Variants in CDH12 observed in about 807,000 individuals in gnomAD.
CDH12 encodes cadherin 12.
Under a neutral mutation model 74.1 loss-of-function variants are expected in CDH12, and 41 were observed. The observed-to-expected ratio is 0.55, with a 90% CI of 0.43 to 0.72. CDH12 has a LOEUF of 0.72. Ranked by LOEUF, CDH12 falls within the 30% of genes least tolerant of loss-of-function variation. The pLI is 0.00. For missense variants in CDH12, 945 were observed against 977.2 expected, an observed-to-expected ratio of 0.97 and a Z score of 0.44; for synonymous variants, 399 against 355.0, an observed-to-expected ratio of 1.12 and a Z score of -1.39.
intron 1 of CDH12, among the ~76,000 whole-genome samples, chr5:22,570,034 G>GTTTT (rs1408830740): frequency 6.8e-6 from 1 of 147,024 alleles, no homozygotes; most frequent in African/African-American, 2.6e-5. Flanking sequence ...AATGTATTTC[G>GTTTT]TTTTATTTAT....
At chr5:22,752,691 C>T (rs1745654002) in intron 1 of CDH12, among the ~76,000 whole-genome samples, 1 of 88,496 alleles carries the variant, frequency 1.1e-5, no homozygotes, top group Non-Finnish European at 2.3e-5. Context: ...CCTGCCTCAG[C>T]CTCCCTAGTA....
chr5:22,572,601 T>C (rs1390969379), intron 1 of CDH12, among the ~76,000 whole-genome samples: 1 of 152,124 alleles, frequency 6.6e-6, no homozygotes, highest in African/African-American at 2.4e-5. Flanking sequence ...AAGCTTGGTA[T>C]ATTGGATTTA....
chr5:21,765,154 T>C (rs1027270526), intron 11 of CDH12, 55 bp from the exon 12 acceptor site: 5 of 1,361,992 alleles, frequency 3.7e-6, no homozygotes, highest in Admixed American at 5.2e-5. Flanking sequence ...CAGTTATTGC[T>C]TCTACAATAA....
intron 10 of CDH12, among the ~76,000 whole-genome samples, chr5:21,788,720 C>T (rs1270788427): frequency 2.0e-5 from 3 of 152,060 alleles, no homozygotes; most frequent in Non-Finnish European, 2.9e-5. Context: ...ATCACTTTCT[C>T]TCTTCTCATG....
chr5:21,967,855 G>A (rs1756656845), intron 6 of CDH12, among the ~76,000 whole-genome samples: 1 of 152,084 alleles, frequency 6.6e-6, no homozygotes, highest in Non-Finnish European at 1.5e-5. Context: ...GACACTTCAC[G>A]GCTGGCACAG....
At chr5:22,586,109 G>T (rs1448871856) in intron 1 of CDH12, among the ~76,000 whole-genome samples, 2 of 152,134 alleles carry the variant, frequency 1.3e-5, no homozygotes, top group Non-Finnish European at 1.5e-5. Flanking sequence ...AACAATGATA[G>T]ACTGGATTAA....
At chr5:21,879,887 T>C (rs1219689655) in intron 6 of CDH12, among the ~76,000 whole-genome samples, 1 of 152,218 alleles carries the variant, frequency 6.6e-6, no homozygotes, top group African/African-American at 2.4e-5. Flanking sequence ...ATTAAAGTCA[T>C]GGATTCAATT....
At chr5:22,700,987 C>A (rs1168318751) in intron 1 of CDH12, among the ~76,000 whole-genome samples, 1 of 152,062 alleles carries the variant, frequency 6.6e-6, no homozygotes, top group African/African-American at 2.4e-5. Context: ...TCTGATTACT[C>A]TTCCTTTATT....
At chr5:21,920,666 G>GAA (rs1202951002) in intron 6 of CDH12, among the ~76,000 whole-genome samples, 2 of 25,370 alleles carry the variant, frequency 7.9e-5, no homozygotes, top group Admixed American at 9.6e-4. Context: ...AGAACTTAAA[G>GAA]TATGATAATA....
At chr5:22,679,325 T>A (rs991453908) in intron 1 of CDH12, among the ~76,000 whole-genome samples, 1 of 152,164 alleles carries the variant, frequency 6.6e-6, no homozygotes, top group Non-Finnish European at 1.5e-5. Flanking sequence ...AAAAGAGGAA[T>A]GTCACAGACA....
chr5:22,545,464 C>T (rs1738274919), intron 1 of CDH12, among the ~76,000 whole-genome samples: 1 of 152,122 alleles, frequency 6.6e-6, no homozygotes, highest in Non-Finnish European at 1.5e-5. Context: ...TACAACTGCT[C>T]TAATATAGAT....
rs568404213 is a variant in CDH12 at position 22,694,087 on chromosome 5, C to T, written c.-523+158971G>A. Among the ~76,000 whole-genome samples, 76 of 152,088 alleles carry T rather than the reference C, an allele frequency of 5.0e-4. No homozygotes were observed. The East Asian group carries it at 0.012, about 23-fold the overall frequency. ...CCAAAGTAGCTGGACTACAGGCACACGCTACCATACCCAGCTAATTTTAAA... is the reference window on the plus strand; with the variant it reads ...CCAAAGTAGCTGGACTACAGGCACATGCTACCATACCCAGCTAATTTTAAA... On this transcript the variant is annotated intron_variant, in intron 1 of 14. Coordinates refer to ENST00000382254, the MANE Select transcript of CDH12 (RefSeq NM_004061.5).
At chr5:22,207,763 T>C (rs1240787640) in intron 4 of CDH12, among the ~76,000 whole-genome samples, 1 of 152,150 alleles carries the variant, frequency 6.6e-6, no homozygotes, top group Non-Finnish European at 1.5e-5. Flanking sequence ...TGCCCCAAAA[T>C]TCAAAATGTA....
chr5:22,664,506 T>C (rs1019041483), intron 1 of CDH12, among the ~76,000 whole-genome samples: 2 of 152,060 alleles, frequency 1.3e-5, no homozygotes, highest in African/African-American at 4.8e-5. Flanking sequence ...GATTCAATTA[T>C]CTCCACCTGA....
intron 5 of CDH12, among the ~76,000 whole-genome samples, chr5:21,980,347 A>G (rs1478062775): frequency 2.0e-5 from 3 of 152,218 alleles, no homozygotes; most frequent in African/African-American, 7.2e-5. Context: ...GTTACCACAT[A>G]TGGCTCTTAT....
At chr5:21,888,190 C>T (rs1179953302) in intron 6 of CDH12, among the ~76,000 whole-genome samples, 36 of 152,148 alleles carry the variant, frequency 2.4e-4, no homozygotes, top group Admixed American at 2.4e-3. Flanking sequence ...TGTACCAAAT[C>T]TAAGAAAGGA....
At chr5:22,796,310 C>A (rs1367533563) in intron 1 of CDH12, among the ~76,000 whole-genome samples, 1 of 152,108 alleles carries the variant, frequency 6.6e-6, no homozygotes, top group South Asian at 2.1e-4. Context: ...TTCCCACCAA[C>A]AGTGCATGAA....
At chr5:22,823,576 C>G (rs1053462175) in intron 1 of CDH12, among the ~76,000 whole-genome samples, 4 of 152,036 alleles carry the variant, frequency 2.6e-5, no homozygotes, top group Non-Finnish European at 5.9e-5. Context: ...CGCATGAAAA[C>G]ATACTAATAC....
chr5:22,571,816 CATTA>C (rs1037940595), intron 1 of CDH12, among the ~76,000 whole-genome samples: 9 of 152,108 alleles, frequency 5.9e-5, no homozygotes, highest in Admixed American at 5.2e-4. Flanking sequence ...GAACACATAA[CATTA>C]ATTGATTAAG....
Sources: allele counts gnomAD v4.1 joint callset (sites outside exome capture counted in the v4.1 genomes callset), GRCh38; gene constraint gnomAD v4.1.1; transcripts MANE v1.5; gene names NCBI Gene and HGNC (gene_info 2026-07-23, HGNC 2026-07-21).